The following DAB1 variants were observed in gnomAD, a reference collection of about 807,000 sequenced individuals.
DAB1 encodes disabled homolog 1.
DAB1 carries 15 observed loss-of-function variants against 64.6 expected under a neutral mutation model. The observed-to-expected ratio is 0.23, with a 90% CI of 0.16 to 0.36. The LOEUF (loss-of-function observed/expected upper bound fraction) is 0.36. Ranked by LOEUF, DAB1 falls within the 10% of genes least tolerant of loss-of-function variation. DAB1 has a pLI of 1.00. For missense variants in DAB1, 596 were observed against 706.7 expected (o/e 0.84, Z 1.78); for synonymous variants, 235 against 251.9 (o/e 0.93, Z 0.64).
At chr1:58,513,152 C>T (rs966202811) in intron 2 of DAB1, among the ~76,000 whole-genome samples, 2 of 152,104 alleles carry the variant, frequency 1.3e-5, no homozygotes, top group Non-Finnish European at 2.9e-5. Context: ...GACAGCAGTT[C>T]CCCCATGCTG....
At chr1:57,173,510 A>G (rs745981781) in intron 2 of DAB1, among the ~76,000 whole-genome samples, 55 of 152,180 alleles carry the variant, frequency 3.6e-4, no homozygotes, top group Non-Finnish European at 5.7e-4. Flanking sequence ...AATATCTCCT[A>G]TGTATATGCA....
At chr1:58,300,627 AGAGAGAGAGAGAGAGAGAG>A (rs1662124087) in intron 4 of DAB1, among the ~76,000 whole-genome samples, 1 of 51,268 alleles carries the variant, frequency 2.0e-5, no homozygotes, top group Non-Finnish European at 4.8e-5. Context: ...AGAGAGAGAG[AGAGAGAGAGAGAGAGAGAG>A]AGGAAGGAAG....
chr1:57,517,004 G>A (rs539529596), intron 7 of DAB1, among the ~76,000 whole-genome samples: 1 of 152,292 alleles, frequency 6.6e-6, no homozygotes. Flanking sequence ...AGGATGTGGA[G>A]GAGGAAGGGA....
intron 6 of DAB1, among the ~76,000 whole-genome samples, chr1:57,704,278 C>T (rs1646940039): frequency 6.6e-6 from 1 of 152,146 alleles, no homozygotes; most frequent in South Asian, 2.1e-4. Context: ...TCTGTTGTAG[C>T]AATAAACAGA....
chr1:57,443,442 C>T (rs547144981), intron 7 of DAB1, among the ~76,000 whole-genome samples: 1 of 152,340 alleles, frequency 6.6e-6, no homozygotes, highest in Admixed American at 6.5e-5. Flanking sequence ...TTTCATATCT[C>T]TGGATGTTTT....
intron 7 of DAB1, among the ~76,000 whole-genome samples, chr1:57,568,187 A>C (rs1056521449): frequency 2.6e-5 from 4 of 152,222 alleles, no homozygotes; most frequent in Non-Finnish European, 4.4e-5. Flanking sequence ...AGGATTCCCT[A>C]TTTAATAAAT....
chr1:58,285,073 G>C (rs1211573396), intron 4 of DAB1, among the ~76,000 whole-genome samples: 1 of 152,146 alleles, frequency 6.6e-6, no homozygotes, highest in Non-Finnish European at 1.5e-5. Flanking sequence ...TATCTCAATA[G>C]ATGCAGAAAA....
chr1:57,552,389 G>C (rs530023089), intron 7 of DAB1, among the ~76,000 whole-genome samples: 1 of 152,124 alleles, frequency 6.6e-6, no homozygotes, highest in African/African-American at 2.4e-5. Context: ...CAGGACAGCC[G>C]GCAAGAAGAG....
At chr1:57,054,690 G>A (rs1043594972) in intron 9 of DAB1, among the ~76,000 whole-genome samples, 1 of 152,066 alleles carries the variant, frequency 6.6e-6, no homozygotes, top group Non-Finnish European at 1.5e-5. Context: ...GTGTTAGCCA[G>A]GATGGTCTCG....
chr1:57,033,270 CT>C lies in DAB1; in HGVS notation c.724-7228del, dbSNP rs61344621. 4.2e-3 allele frequency: 4,547 copies of C among 1,091,886 alleles called. 109 individuals are homozygous for C. The African/African-American group carries it at 0.057, about 14-fold the overall frequency. The allele number at this position is 1,091,886 out of a possible 1,614,324, so 67.6% of individuals were successfully genotyped here. A position where few individuals can be genotyped will look rare whatever the true frequency, so the allele number is the denominator to read the frequency against. ...TTCCTGGGGACATTTGAATAGGTAC[CT>C]ACTAGAGCAGAGCAGGGCAGGAAAT... On this transcript the variant is annotated intron_variant, in intron 9 of 14. Transcript: ENST00000371236.
At chr1:57,852,703 T>A (rs1653585636) in intron 1 of DAB1, among the ~76,000 whole-genome samples, 1 of 152,106 alleles carries the variant, frequency 6.6e-6, no homozygotes, top group Admixed American at 6.5e-5. Context: ...CTATGGGCAA[T>A]GAGGTAACCC....
chr1:57,457,419 G>A (rs1473752393), intron 7 of DAB1, among the ~76,000 whole-genome samples: 1 of 152,094 alleles, frequency 6.6e-6, no homozygotes, highest in Non-Finnish European at 1.5e-5. Context: ...TGATTACATA[G>A]GCAAACAGAA....
chr1:57,199,017 G>A (rs539315), intron 2 of DAB1, among the ~76,000 whole-genome samples: 55,635 of 151,890 alleles, frequency 0.37, 10,501 homozygotes, highest in African/African-American at 0.43. Context: ...TCTTGTGAAC[G>A]TGGTTTTAAA....
rs556642626 is a variant in DAB1 at position 58,230,848 on chromosome 1, C to G, written n.310-80260G>C. Among the ~76,000 whole-genome samples, 7 of 152,330 alleles carry G rather than the reference C, an allele frequency of 4.6e-5. 2 individuals are homozygous for G. Among genetic ancestry groups the G allele is most frequent in the African/African-American group, 1.7e-4 (7 of 41,586 alleles). On this transcript the variant is annotated intron_variant and non_coding_transcript_variant, in intron 4 of 20. Transcript: ENST00000485760. ...TTAGTCTCTCTAAGCCTCCCAACAG[C>G]TCTGCAAGGTAGGAATTACAGCACC...
intron 9 of DAB1, among the ~76,000 whole-genome samples, chr1:57,036,470 A>G (rs190696361): frequency 6.6e-6 from 1 of 152,288 alleles, no homozygotes; most frequent in African/African-American, 2.4e-5. Flanking sequence ...TCCTCCAGCC[A>G]GTGGGGAGAT....
chr1:58,167,889 T>A lies in DAB1; in HGVS notation n.310-17301A>T, dbSNP rs1248508577. ...TCTGAACATCTGAAGGAACAAACTC[T>A]GGACACACCAACTTTAAGAACTGTA... On this transcript the variant is annotated intron_variant and non_coding_transcript_variant, in intron 4 of 20. Coordinates refer to the DAB1 transcript ENST00000485760. 2.6e-5 allele frequency among the ~76,000 whole-genome samples: 4 copies of A among 152,076 alleles called. No individual in the cohort carries two copies. In the East Asian group the frequency reaches 7.7e-4, roughly 29 times the overall value.
At chr1:57,237,881 A>T (rs1336967016) in intron 2 of DAB1, among the ~76,000 whole-genome samples, 2 of 152,208 alleles carry the variant, frequency 1.3e-5, no homozygotes, top group Non-Finnish European at 2.9e-5. Flanking sequence ...TGAAGAGTGC[A>T]TTGGATATGG....
intron 9 of DAB1, among the ~76,000 whole-genome samples, chr1:57,050,177 CT>C (rs1226484349): frequency 6.6e-6 from 1 of 152,166 alleles, no homozygotes; most frequent in Non-Finnish European, 1.5e-5. Flanking sequence ...ATTAGATCCC[CT>C]CTATTAAACT....
At chr1:57,598,817 C>T (rs995018521) in intron 7 of DAB1, among the ~76,000 whole-genome samples, 1 of 152,120 alleles carries the variant, frequency 6.6e-6, no homozygotes, top group Non-Finnish European at 1.5e-5. Context: ...TGCAACAGAG[C>T]AGGTTTACAT....
Sources: allele counts gnomAD v4.1 joint callset (sites outside exome capture counted in the v4.1 genomes callset), GRCh38; gene constraint gnomAD v4.1.1; transcripts MANE v1.5; gene names NCBI Gene and HGNC (gene_info 2026-07-23, HGNC 2026-07-21).